The following FAM210A variants were observed in gnomAD, a reference collection of about 807,000 sequenced individuals.
The protein encoded by FAM210A is mitochondrial inner membrane scaffold 1, also known as family with sequence similarity 210 member A.
In FAM210A, 13 loss-of-function variants were observed where a neutral mutation model predicts 25.3. The observed-to-expected ratio is 0.51, with a 90% CI of 0.33 to 0.82. FAM210A has a LOEUF of 0.82. Ranked by LOEUF, FAM210A falls within the 40% of genes least tolerant of loss-of-function variation. FAM210A has a pLI of 0.02. For synonymous variants in FAM210A, 125 were observed against 118.7 expected, an observed-to-expected ratio of 1.05 and a Z score of -0.35; for missense variants, 319 against 323.2, an observed-to-expected ratio of 0.99 and a Z score of 0.10.
intron 1 of FAM210A, 83 bp from the exon 2 acceptor site, chr18:13,682,188 C>G: frequency 1.1e-6 from 1 of 926,298 alleles, no homozygotes; most frequent in Non-Finnish European, 1.6e-6. Context: ...AATCATTAAC[C>G]ATTAGGAAGT....
chr18:13,682,441 A>AATT (rs2149057175), intron 1 of FAM210A, among the ~76,000 whole-genome samples: 1 of 151,666 alleles, frequency 6.6e-6, no homozygotes, highest in African/African-American at 2.4e-5. Context: ...GGTGGTGGGC[A>AATT]CCTGTAATTC....
At chr18:13,718,282 T>A (rs1294991555) in intron 1 of FAM210A, among the ~76,000 whole-genome samples, 1 of 152,212 alleles carries the variant, frequency 6.6e-6, no homozygotes, top group African/African-American at 2.4e-5. Context: ...GGATTATTTT[T>A]ACCTTCTCAA....
intron 1 of FAM210A, among the ~76,000 whole-genome samples, chr18:13,715,946 C>G (rs554897474): frequency 6.6e-6 from 1 of 152,176 alleles, no homozygotes; most frequent in Non-Finnish European, 1.5e-5. Context: ...CAGCTCTGTT[C>G]AACAGATTTT....
At chr18:13,705,768 A>G (rs1309480116) in intron 1 of FAM210A, among the ~76,000 whole-genome samples, 1 of 152,200 alleles carries the variant, frequency 6.6e-6, no homozygotes. Flanking sequence ...CACTGTGCCC[A>G]GCCTGCTAAA....
At chr18:13,684,178 C>T (rs2043577127) in intron 1 of FAM210A, among the ~76,000 whole-genome samples, 4 of 152,104 alleles carry the variant, frequency 2.6e-5, no homozygotes, top group African/African-American at 9.7e-5. Flanking sequence ...AGGCACATCA[C>T]CTGGTGAGGA....
At chr18:13,709,250 TA>T (rs2043803901) in intron 1 of FAM210A, among the ~76,000 whole-genome samples, 1 of 152,184 alleles carries the variant, frequency 6.6e-6, no homozygotes. Context: ...CCGAAGTCCT[TA>T]AACTGTAAGA....
chr18:13,693,729 T>C (rs2043669180), intron 1 of FAM210A, among the ~76,000 whole-genome samples: 1 of 152,126 alleles, frequency 6.6e-6, no homozygotes, highest in African/African-American at 2.4e-5. Flanking sequence ...GAACTAGGTA[T>C]TGATGGGCTG....
At chr18:13,714,365 A>G (rs192142327) in intron 1 of FAM210A, among the ~76,000 whole-genome samples, 280 of 152,322 alleles carry the variant, frequency 1.8e-3, no homozygotes, top group Non-Finnish European at 2.8e-3. Context: ...AAGAAGATGG[A>G]AAGTCATTCT....
intron 2 of FAM210A, among the ~76,000 whole-genome samples, chr18:13,672,533 T>G (rs1033077542): frequency 1.3e-5 from 2 of 152,102 alleles, no homozygotes. Flanking sequence ...CTCAGCCTCC[T>G]GAGTAGCTGG....
intron 2 of FAM210A, among the ~76,000 whole-genome samples, chr18:13,675,525 G>A (rs1233736732): frequency 5.0e-4 from 33 of 66,070 alleles, no homozygotes; most frequent in Middle Eastern, 0.017. Context: ...CTGAGCCCTG[G>A]CCTCTTTATT....
chr18:13,711,051 C>T (rs1010765223), intron 1 of FAM210A, among the ~76,000 whole-genome samples: 2 of 152,158 alleles, frequency 1.3e-5, no homozygotes, highest in Non-Finnish European at 2.9e-5. Context: ...AATTTTTCTT[C>T]TTCCTGTTAC....
At chr18:13,682,464 AG>A (rs1293796680) in intron 1 of FAM210A, among the ~76,000 whole-genome samples, 1 of 152,118 alleles carries the variant, frequency 6.6e-6, no homozygotes, top group Non-Finnish European at 1.5e-5. Flanking sequence ...GCTACTCAGG[AG>A]GCTGAGGCAG....
chr18:13,711,380 A>G (rs952134967), intron 1 of FAM210A, among the ~76,000 whole-genome samples: 1 of 152,172 alleles, frequency 6.6e-6, no homozygotes, highest in Admixed American at 6.5e-5. Context: ...AAAATAAAAC[A>G]AAAACAAACA....
At chr18:13,710,016 G>C (rs768724816) in intron 1 of FAM210A, among the ~76,000 whole-genome samples, 2 of 151,962 alleles carry the variant, frequency 1.3e-5, no homozygotes, top group Admixed American at 6.5e-5. Context: ...AGCTAACCAG[G>C]GGAGGAATTT....
intron 1 of FAM210A, among the ~76,000 whole-genome samples, chr18:13,704,275 TA>T (rs1012311240): frequency 4.6e-5 from 7 of 152,144 alleles, no homozygotes; most frequent in African/African-American, 1.7e-4. Context: ...TTAGATAACA[TA>T]AAACTAAAGG....
chr18:13,718,910 A>G (rs1321099187), intron 1 of FAM210A, among the ~76,000 whole-genome samples: 2 of 152,240 alleles, frequency 1.3e-5, no homozygotes, highest in Non-Finnish European at 2.9e-5. Context: ...TGTATCAAGC[A>G]TATTTCAGAA....
chr18:13,668,581 C>T (rs1023502611), intron 3 of FAM210A, among the ~76,000 whole-genome samples: 1 of 147,044 alleles, frequency 6.8e-6, no homozygotes, highest in Non-Finnish European at 1.5e-5. Context: ...AGGTGAGTCA[C>T]TTAATGGGGA....
intron 1 of FAM210A, among the ~76,000 whole-genome samples, chr18:13,719,696 T>C (rs2043884658): frequency 6.7e-6 from 1 of 149,908 alleles, no homozygotes; most frequent in Non-Finnish European, 1.5e-5. Flanking sequence ...CTGTTCACTA[T>C]TTCAAACTTC....
At chr18:13,694,469 C>A (rs947336895) in intron 1 of FAM210A, among the ~76,000 whole-genome samples, 6 of 152,208 alleles carry the variant, frequency 3.9e-5, no homozygotes, top group Non-Finnish European at 8.8e-5. Flanking sequence ...TCAAACTATA[C>A]TACAAGGCTA....
Sources: allele counts gnomAD v4.1 joint callset (sites outside exome capture counted in the v4.1 genomes callset), GRCh38; gene constraint gnomAD v4.1.1; transcripts MANE v1.5; gene names NCBI Gene and HGNC (gene_info 2026-07-23, HGNC 2026-07-21).